ANKRD46: variants seen among roughly 807,000 people sequenced by gnomAD.
ANKRD46 encodes the protein ankyrin repeat domain 46, also known as ankyrin repeat domain-containing protein 46.
Under a neutral mutation model 19.8 loss-of-function variants are expected in ANKRD46, and 13 were observed. The ratio of observed to expected loss-of-function variants is 0.66; its 90% confidence interval spans 0.43 to 1.04. ANKRD46 has a LOEUF of 1.04. ANKRD46 is among the 50% of genes least tolerant of loss of function. The pLI, the probability that ANKRD46 is intolerant of heterozygous loss-of-function variation, is 0.00. For synonymous variants in ANKRD46, 91 were observed against 106.9 expected, an observed-to-expected ratio of 0.85 and a Z score of 0.92; for missense variants, 185 against 274.8, an observed-to-expected ratio of 0.67 and a Z score of 2.31.
chr8:100,547,655 C>T (rs979472714), intron 1 of ANKRD46, among the ~76,000 whole-genome samples: 2 of 152,134 alleles, frequency 1.3e-5, no homozygotes, highest in African/African-American at 4.8e-5. Context: ...AAAACCAGCA[C>T]TCCATACATA....
At chr8:100,515,861 G>A (rs139982526), downstream of ANKRD46, among the ~76,000 whole-genome samples, 524 of 151,378 alleles carry the variant, frequency 3.5e-3, 15 homozygotes, top group Admixed American at 0.03. Context: ...TGTGATTCCA[G>A]TAACTTGTTT....
At chr8:100,555,806 T>C (rs945191723) in intron 1 of ANKRD46, among the ~76,000 whole-genome samples, 6 of 144,638 alleles carry the variant, frequency 4.1e-5, no homozygotes, top group Non-Finnish European at 9.0e-5. Context: ...GATAAAATTA[T>C]TGGATTTAAA....
rs140128819 is a variant in ANKRD46, at chr8:100,522,802, T to TA, written c.471-32dup. 3.0e-3 allele frequency: 4,766 copies of TA among 1,591,306 alleles called. 129 individuals are homozygous for TA. In the African/African-American group the frequency reaches 0.056, roughly 19 times the overall value. On this transcript the variant is annotated intron_variant, in intron 4 of 4. Transcript: ENST00000335659. ...GAAGAAGAAAGAGCAAAAAGGGCAT[T>TA]AAAAAAACACAGCAATTCCAAAAAC...
Position 100,528,004 on chromosome 8 carries a change from C to CT in ANKRD46, c.312-2dup, listed in dbSNP as rs199626632. The CT allele has an allele frequency of 1.9e-3, 1,974 of 1,041,806 alleles. 21 individuals are homozygous for CT. The African/African-American group carries it at 0.038, about 20-fold the overall frequency. 64.5% of individuals were successfully genotyped at this position (1,041,806 alleles called of 1,614,324 possible). A position where few individuals can be genotyped will look rare whatever the true frequency, so the allele number is the denominator to read the frequency against. On this transcript the variant is annotated splice_acceptor_variant, in intron 3 of 4. Coordinates refer to ENST00000335659, the MANE Select transcript of ANKRD46 (RefSeq NM_001270377.2). LOFTEE classifies it high-confidence loss of function. ...TAAAGGGGTAGCACCTTGATGATTGCTAAAAAAAAAAAAAAAAAAAAAAGT... is the reference window on the plus strand; with the variant it reads ...TAAAGGGGTAGCACCTTGATGATTGCTTAAAAAAAAAAAAAAAAAAAAAAGT...
At position 100,550,234 on chromosome 8, in the gene ANKRD46, A is replaced by C. The variant is rs1812356522; in HGVS notation, c.-131+9477T>G. 1.3e-5 allele frequency among the ~76,000 whole-genome samples: 2 copies of C among 152,218 alleles called. No individual in the cohort carries two copies. The highest frequency in any genetic ancestry group is 1.3e-4 in the Admixed American group (2 of 15,284). ...GTATGTTTAGTTTTTTTAAGAAACC[A>C]CCAAATTGTCTCCCAAAGTAGCTGT... is the stretch of plus-strand genomic sequence containing the variant. On this transcript the variant is annotated intron_variant, in intron 1 of 4. Coordinates refer to ENST00000335659, the MANE Select transcript of ANKRD46 (RefSeq NM_001270377.2). This position sits in a 1 kb window ranked among gnomAD's most constrained non-coding sequence, Gnocchi z 4.4.
chr8:100,531,243 T>C (rs547813395), intron 2 of ANKRD46, among the ~76,000 whole-genome samples: 85 of 152,346 alleles, frequency 5.6e-4, no homozygotes, highest in Admixed American at 1.0e-3. Context: ...ATTCTTAGGT[T>C]ACAAAAGCTT....
intron 1 of ANKRD46, among the ~76,000 whole-genome samples, chr8:100,549,858 C>A (rs1242965663): frequency 2.0e-5 from 3 of 152,234 alleles, no homozygotes; most frequent in East Asian, 3.8e-4. Context: ...TCATCCCTCT[C>A]TCTACCCAAC....
chr8:100,531,262 A>G (rs1811957448), intron 2 of ANKRD46, among the ~76,000 whole-genome samples: 2 of 152,226 alleles, frequency 1.3e-5, no homozygotes, highest in South Asian at 4.1e-4. Flanking sequence ...TTAGTCACAT[A>G]TGGACTTGGC....
chr8:100,514,055 C>T (rs540950575), intron 5 of ANKRD46, among the ~76,000 whole-genome samples: 95 of 152,270 alleles, frequency 6.2e-4, no homozygotes, highest in Non-Finnish European at 1.3e-3. Context: ...CAGAGAATAA[C>T]CTTCTCATAG....
At chr8:100,523,398 C>A (rs936171198) in intron 4 of ANKRD46, among the ~76,000 whole-genome samples, 27 of 151,346 alleles carry the variant, frequency 1.8e-4, no homozygotes, top group African/African-American at 6.6e-4. Context: ...CTTTGTGACA[C>A]CTTGATCTCA....
rs759003595 is a variant in ANKRD46 at position 100,522,636 on chromosome 8, A to G, written c.606T>C (p.Ile202=). The change falls in exon 5 of 5, where the codon ATT becomes ATC. Residue 202 remains isoleucine (I), a synonymous_variant. Coordinates refer to ENST00000335659, the MANE Select transcript of ANKRD46 (RefSeq NM_001270377.2). ...FWRVLLLIFV[I]ALLSLGIAYY... is the part of the protein sequence containing the mutation. ...AAGCAATGCCAAGAGACAGCAAAGCAATGACGAAGATCAACAGCAATACTC... is the reference window on the plus strand; with the variant it reads ...AAGCAATGCCAAGAGACAGCAAAGCGATGACGAAGATCAACAGCAATACTC... 6.2e-7 allele frequency: 1 copy of G among 1,614,016 alleles called. No individual in the cohort carries two copies. Among genetic ancestry groups the G allele is most frequent in the Non-Finnish European group, 8.5e-7 (1 of 1,180,038 alleles).
chr8:100,556,875 A>G (rs1014764601), intron 1 of ANKRD46: 7 of 151,984 alleles, frequency 4.6e-5, no homozygotes, highest in African/African-American at 1.7e-4. Flanking sequence ...GTAATTATTC[A>G]TCTCTCCAAT....
rs367788783 is a variant in ANKRD46, at chr8:100,524,031, C to T, written c.471-1260G>A. On this transcript the variant is annotated intron_variant, in intron 4 of 4. Coordinates refer to ENST00000335659, the MANE Select transcript of ANKRD46 (RefSeq NM_001270377.2). The surrounding 1 kb of genome is among the most constrained non-coding windows in gnomAD (Gnocchi z 4.3). Reference sequence around the variant, plus strand: ...ACAGAATATGTTCATTTCTCTTCTGCATAAAGGCTAGTCTAGTTGAAAATA... The same window carrying T: ...ACAGAATATGTTCATTTCTCTTCTGTATAAAGGCTAGTCTAGTTGAAAATA... Among the ~76,000 whole-genome samples, 3 of 152,200 alleles carry T rather than the reference C, an allele frequency of 2.0e-5. No individual in the cohort carries two copies. The highest frequency in any genetic ancestry group is 3.8e-4 in the East Asian group (2 of 5,202).
rs1277292732 is a variant in ANKRD46 at position 100,544,289 on chromosome 8, T to C, written c.-130-10978A>G. Among the ~76,000 whole-genome samples the C allele has an allele frequency of 1.3e-5, 2 of 152,120 alleles. No homozygotes were observed. The highest frequency in any genetic ancestry group is 2.4e-5 in the African/African-American group (1 of 41,420). ...GGAAAGAAAATACCTTACTCATCCA[T>C]GGGACCCGGACATAAAGAAGCAAGG... On this transcript the variant is annotated intron_variant, in intron 1 of 4. Coordinates refer to ENST00000335659, the MANE Select transcript of ANKRD46 (RefSeq NM_001270377.2). This position sits in a 1 kb window ranked among gnomAD's most constrained non-coding sequence, Gnocchi z 4.4.
In ANKRD46 at chr8:100,525,041, G is replaced by A. The variant is rs1811815875; in HGVS notation, c.471-2270C>T. ...TAAACTTAGAGTTATATGGAGGAGT[G>A]GGGAAATATTTTTCATTAACTTGAT... On this transcript the variant is annotated intron_variant, in intron 4 of 4. Transcript: ENST00000335659. This position sits in a 1 kb window ranked among gnomAD's most constrained non-coding sequence, Gnocchi z 4.4. 6.6e-6 allele frequency among the ~76,000 whole-genome samples: 1 copy of A among 152,002 alleles called. No individual in the cohort carries two copies. Among genetic ancestry groups the A allele is most frequent in the South Asian group, 2.1e-4 (1 of 4,814 alleles).
At chr8:100,514,994 A>T (rs1811605583) in intron 5 of ANKRD46, among the ~76,000 whole-genome samples, 1 of 152,150 alleles carries the variant, frequency 6.6e-6, no homozygotes, top group African/African-American at 2.4e-5. Flanking sequence ...GCTTCTAAAG[A>T]TGTGGAAAAG....
Position 100,532,929 on chromosome 8 carries a change from TG to T in ANKRD46, c.-28+279del, listed in dbSNP as rs1811994367. Among the ~76,000 whole-genome samples, 1 of 152,240 alleles carries T rather than the reference TG, an allele frequency of 6.6e-6. No individual in the cohort carries two copies. ...ATTTAAAAAATCTAGTTGGTGTTTT[TG>T]ATTCAGACACAGTAAGAATTCTTGT... On this transcript the variant is annotated intron_variant, in intron 2 of 4. Coordinates refer to ENST00000335659, the MANE Select transcript of ANKRD46 (RefSeq NM_001270377.2). This position sits in a 1 kb window ranked among gnomAD's most constrained non-coding sequence, Gnocchi z 4.7.
intron 1 of ANKRD46, among the ~76,000 whole-genome samples, chr8:100,552,058 G>A (rs1812401945): frequency 6.6e-6 from 1 of 151,360 alleles, no homozygotes; most frequent in African/African-American, 2.4e-5. Context: ...GCTGAGGCAG[G>A]AGAATAGCTT....
downstream of ANKRD46, among the ~76,000 whole-genome samples, chr8:100,518,216 T>G (rs1238038187): frequency 6.6e-6 from 1 of 152,088 alleles, no homozygotes; most frequent in Non-Finnish European, 1.5e-5. Flanking sequence ...AGCTAAGCTA[T>G]AGAATGGCTC....
Sources: allele counts gnomAD v4.1 joint callset (sites outside exome capture counted in the v4.1 genomes callset), GRCh38; gene constraint gnomAD v4.1.1; non-coding constraint Gnocchi (gnomAD v3.1); transcripts MANE v1.5; gene names NCBI Gene and HGNC (gene_info 2026-07-23, HGNC 2026-07-21).